The following SLCO2A1 variants were observed in gnomAD, a reference collection of about 807,000 sequenced individuals.
SLCO2A1 encodes solute carrier organic anion transporter family member 2A1, also known as matrin F/G 1.
SLCO2A1 carries 60 observed loss-of-function variants against 71.7 expected under a neutral mutation model. The observed-to-expected ratio is 0.84, with a 90% CI of 0.68 to 1.04. SLCO2A1 has a LOEUF of 1.04. SLCO2A1 is among the 50% of genes least tolerant of loss of function. The probability of loss-of-function intolerance (pLI) is 0.00; values close to 1 mark genes in which losing one functional copy is unlikely to be tolerated. For missense variants in SLCO2A1, 745 were observed against 813.4 expected, an observed-to-expected ratio of 0.92 and a Z score of 1.02; for synonymous variants, 308 against 326.7, an observed-to-expected ratio of 0.94 and a Z score of 0.62.
chr3:133,951,155 A>G, intron 6 of SLCO2A1, 53 bp downstream of exon 6: 1 of 1,609,944 alleles, frequency 6.2e-7, no homozygotes, highest in Non-Finnish European at 8.5e-7. Flanking sequence ...TTCTACCCCC[A>G]CATCCCTTTC....
chr3:134,028,853 G>A (rs559130137), intron 1 of SLCO2A1, among the ~76,000 whole-genome samples: 42 of 152,322 alleles, frequency 2.8e-4, no homozygotes, highest in Admixed American at 9.2e-4. Flanking sequence ...AAAAGAGCCC[G>A]AGTGCGGATT....
At chr3:133,972,549 A>G (rs1259002745) in intron 3 of SLCO2A1, among the ~76,000 whole-genome samples, 1 of 152,244 alleles carries the variant, frequency 6.6e-6, no homozygotes, top group Admixed American at 6.5e-5. Context: ...CTAACAGATA[A>G]GTGAAAATTA....
chr3:133,952,118 T>C (rs559968694), intron 5 of SLCO2A1, among the ~76,000 whole-genome samples: 28 of 152,340 alleles, frequency 1.8e-4, no homozygotes, highest in African/African-American at 6.7e-4. Context: ...CCCTGGGCAC[T>C]GCCCTGAGTG....
At chr3:133,999,048 G>C (rs1935042991) in intron 1 of SLCO2A1, among the ~76,000 whole-genome samples, 1 of 152,196 alleles carries the variant, frequency 6.6e-6, no homozygotes, top group Non-Finnish European at 1.5e-5. Flanking sequence ...TGGCAGCTCT[G>C]TTGGAACACC....
chr3:133,983,911 C>T (rs1179773652), intron 1 of SLCO2A1, among the ~76,000 whole-genome samples: 1 of 152,116 alleles, frequency 6.6e-6, no homozygotes, highest in Admixed American at 6.5e-5. Flanking sequence ...CCGCTGTCAC[C>T]GATTCAACGT....
intron 1 of SLCO2A1, among the ~76,000 whole-genome samples, chr3:134,027,699 G>A (rs2108082880): frequency 6.6e-6 from 1 of 152,302 alleles, no homozygotes; most frequent in East Asian, 1.9e-4. Flanking sequence ...CTGCAAAGTG[G>A]CAGGGCTATT....
At chr3:133,992,231 C>G (rs925975977) in intron 1 of SLCO2A1, among the ~76,000 whole-genome samples, 29 of 152,150 alleles carry the variant, frequency 1.9e-4, no homozygotes, top group Non-Finnish European at 2.9e-5. Context: ...TATTTTTGCA[C>G]CTTGTGTTAT....
Position 134,029,719 on chromosome 3 carries a change from G to A in SLCO2A1, c.84C>T (p.Phe28=), listed in dbSNP as rs1224999263. ...GGACTCCGCTCACCTTAATGTTGCC[G>A]AAGACCGAGCGGGCACAGCGGCCGG... ...SRAGRCARSV[F]GNIKVFVLCQ... is the part of the protein sequence containing the mutation. The change falls in exon 1 of 14, where the codon TTC becomes TTT. Residue 28 remains phenylalanine, a synonymous_variant. Transcript: ENST00000310926. The A allele has an allele frequency of 2.5e-6, 4 of 1,589,498 alleles. No homozygotes were observed. The highest frequency in any genetic ancestry group is 1.4e-5 in the African/African-American group (1 of 73,186).
rs535102448 is a variant in SLCO2A1, at chr3:133,978,065, G to A, written c.234+1416C>T. Among the ~76,000 whole-genome samples, 8 of 152,312 alleles carry A rather than the reference G, an allele frequency of 5.3e-5. No homozygotes were observed. The South Asian group carries it at 1.7e-3, about 32-fold the overall frequency. ...GCAGGGATGACTTAGACAGGCTGCAGGACTGTGCGTGTATATGTGCATGCA... is the reference window on the plus strand; with the variant it reads ...GCAGGGATGACTTAGACAGGCTGCAAGACTGTGCGTGTATATGTGCATGCA... On this transcript the variant is annotated intron_variant, in intron 2 of 13. Transcript: ENST00000310926.
At chr3:134,004,115 TGTGTGTGTGTGTGTGTG>T (rs1935155966) in intron 1 of SLCO2A1, among the ~76,000 whole-genome samples, 1 of 151,498 alleles carries the variant, frequency 6.6e-6, no homozygotes, top group Non-Finnish European at 1.5e-5. Flanking sequence ...TGTGTGTGTG[TGTGTGTGTGTGTGTGTG>T]TGTATCTTCT....
At chr3:133,942,508 G>A (rs3923834) in intron 11 of SLCO2A1, 97 bp downstream of exon 11, 231 of 1,287,598 alleles carry the variant, frequency 1.8e-4, no homozygotes, top group Non-Finnish European at 2.2e-4. Flanking sequence ...GCCACAAAAG[G>A]GGGGAGAGAT....
intron 1 of SLCO2A1, among the ~76,000 whole-genome samples, chr3:134,020,426 G>C (rs987339304): frequency 6.6e-6 from 1 of 152,168 alleles, no homozygotes; most frequent in Non-Finnish European, 1.5e-5. Context: ...GCAACATCTC[G>C]GCGGGGGACT....
intron 6 of SLCO2A1, among the ~76,000 whole-genome samples, chr3:133,950,219 G>A (rs560812088): frequency 7.2e-5 from 11 of 152,264 alleles, no homozygotes; most frequent in Admixed American, 5.2e-4. Flanking sequence ...CCTGCATGAT[G>A]TGTAGCCAAC....
chr3:133,973,438 GGCATGAAGC>G (rs1934375446), intron 3 of SLCO2A1, among the ~76,000 whole-genome samples: 2 of 152,206 alleles, frequency 1.3e-5, no homozygotes, highest in South Asian at 4.1e-4. Flanking sequence ...GGTCATTCCT[GGCATGAAGC>G]ACAGGGAATC....
intron 9 of SLCO2A1, 21 bp from the exon 10 acceptor site, chr3:133,945,281 G>A (rs560169827): frequency 8.8e-6 from 14 of 1,591,998 alleles, no homozygotes; most frequent in South Asian, 6.9e-5. Flanking sequence ...AAGAGGAAAC[G>A]GGGAATCAAA....
rs1418637147 is a variant in SLCO2A1, at chr3:133,988,120, GAC to G, written c.97-8504_97-8503del. 1.1e-4 allele frequency among the ~76,000 whole-genome samples: 17 copies of G among 152,314 alleles called. No homozygotes were observed. The East Asian group carries it at 2.7e-3, about 24-fold the overall frequency. On this transcript the variant is annotated intron_variant, in intron 1 of 13. Coordinates refer to ENST00000310926, the MANE Select transcript of SLCO2A1 (RefSeq NM_005630.3). The stretch of plus-strand genomic sequence containing the variant: ...GGCACTCTTAAAATTTAACCTGAGA[GAC>G]TGTTTCAGGCCATGACAGGAAGTGG...
intron 1 of SLCO2A1, among the ~76,000 whole-genome samples, chr3:134,013,313 G>T (rs1260562746): frequency 6.6e-6 from 1 of 152,184 alleles, no homozygotes; most frequent in East Asian, 1.9e-4. Context: ...AGTGAAGAAT[G>T]ACTTATAAAA....
chr3:133,942,284 G>A (rs918568075), intron 11 of SLCO2A1: 15 of 199,726 alleles, frequency 7.5e-5, no homozygotes, highest in Admixed American at 3.6e-4. Flanking sequence ...ACGAGCCACC[G>A]CGCCCAGCCT....
intron 1 of SLCO2A1, among the ~76,000 whole-genome samples, chr3:133,989,739 G>A (rs1934797253): frequency 6.6e-6 from 1 of 152,162 alleles, no homozygotes; most frequent in African/African-American, 2.4e-5. Context: ...TAGTTTTTCT[G>A]TTGATGACAT....
Sources: gnomAD v4.1 joint callset for allele counts (sites outside exome capture counted in the v4.1 genomes callset) on GRCh38, gnomAD v4.1.1 for gene constraint, MANE v1.5 for transcripts, NCBI Gene and HGNC (gene_info 2026-07-23, HGNC 2026-07-21) for gene names.